SAMMSON: variants seen among roughly 807,000 people sequenced by gnomAD.
SAMMSON encodes long intergenic non-protein coding RNA 1212.
chr3:70,290,096 C>A (rs1344891616), intron 6 of SAMMSON, among the ~76,000 whole-genome samples: 3 of 152,226 alleles, frequency 2.0e-5, no homozygotes, highest in Admixed American at 2.0e-4. Context: ...TGTTCCGTTG[C>A]TGGTGAGGAG....
At chr3:70,251,062 G>A (rs1228104966) in intron 6 of SAMMSON, among the ~76,000 whole-genome samples, 1 of 152,164 alleles carries the variant, frequency 6.6e-6, no homozygotes, top group Admixed American at 6.5e-5. Flanking sequence ...GTACACGGTT[G>A]AATCGTATTC....
At chr3:70,000,444 A>G (rs1311024204) in intron 1 of SAMMSON, among the ~76,000 whole-genome samples, 2 of 152,248 alleles carry the variant, frequency 1.3e-5, no homozygotes, top group African/African-American at 4.8e-5. Flanking sequence ...TATTGACAAT[A>G]TTCCTCTTTC....
chr3:70,422,343 T>G (rs1559586438), intron 2 of SAMMSON, among the ~76,000 whole-genome samples: 1 of 152,078 alleles, frequency 6.6e-6, no homozygotes, highest in African/African-American at 2.4e-5. Flanking sequence ...AAGAAGAGTG[T>G]TATGTTTATT....
At chr3:70,044,911 G>A (rs1465770034) in intron 3 of SAMMSON, among the ~76,000 whole-genome samples, 1 of 141,892 alleles carries the variant, frequency 7.0e-6, no homozygotes, top group Non-Finnish European at 1.5e-5. Context: ...ATTACATAAA[G>A]TAAAATACTT....
At chr3:70,349,053 G>A (rs1702773075) in intron 7 of SAMMSON, among the ~76,000 whole-genome samples, 1 of 152,064 alleles carries the variant, frequency 6.6e-6, no homozygotes, top group African/African-American at 2.4e-5. Context: ...TTCTTCACAG[G>A]TCATGCACAC....
intron 9 of SAMMSON, among the ~76,000 whole-genome samples, chr3:70,377,360 A>G (rs1559576195): frequency 6.6e-6 from 1 of 152,146 alleles, no homozygotes; most frequent in Non-Finnish European, 1.5e-5. Flanking sequence ...GAAAATTAAG[A>G]TGTAATGAAG....
chr3:70,227,768 C>T (rs1701522019), intron 4 of SAMMSON, among the ~76,000 whole-genome samples: 1 of 152,078 alleles, frequency 6.6e-6, no homozygotes, highest in African/African-American at 2.4e-5. Context: ...GCACTACTAC[C>T]CTCCATGTTT....
chr3:70,103,302 T>C (rs1388120254), intron 4 of SAMMSON, among the ~76,000 whole-genome samples: 1 of 152,138 alleles, frequency 6.6e-6, no homozygotes, highest in Non-Finnish European at 1.5e-5. Context: ...GCAATCAGTA[T>C]TTCCATGTGA....
intron 7 of SAMMSON, among the ~76,000 whole-genome samples, chr3:70,343,522 T>G (rs547807420): frequency 6.6e-6 from 1 of 152,146 alleles, no homozygotes; most frequent in Non-Finnish European, 1.5e-5. Flanking sequence ...ATTGGAGTTA[T>G]GAGTTTTGGG....
At chr3:70,211,835 T>A (rs1244829553) in intron 4 of SAMMSON, among the ~76,000 whole-genome samples, 1 of 149,314 alleles carries the variant, frequency 6.7e-6, no homozygotes, top group Non-Finnish European at 1.5e-5. Flanking sequence ...TTTTTCCTTT[T>A]TCCTTTTCCT....
intron 3 of SAMMSON, among the ~76,000 whole-genome samples, chr3:70,028,350 G>C (rs190947064): frequency 3.6e-4 from 55 of 152,202 alleles, no homozygotes; most frequent in Admixed American, 3.6e-3. Flanking sequence ...GTGCTTCTTT[G>C]AATATGTTGT....
chr3:70,138,505 C>T (rs2067515110), intron 4 of SAMMSON, among the ~76,000 whole-genome samples: 1 of 152,178 alleles, frequency 6.6e-6, no homozygotes. Context: ...GTCCTAATCA[C>T]TTAGCAAAGG....
chr3:70,170,801 A>AT, intron 4 of SAMMSON, among the ~76,000 whole-genome samples: 1 of 152,016 alleles, frequency 6.6e-6, no homozygotes, highest in African/African-American at 2.4e-5. Flanking sequence ...AATAAGAAAA[A>AT]TTAGCGAGTG....
intron 4 of SAMMSON, chr3:70,120,497 C>G (rs1377168266): frequency 6.6e-6 from 1 of 152,082 alleles, no homozygotes; most frequent in Non-Finnish European, 1.5e-5. Context: ...CCATGATGGC[C>G]CGCCATGATG....
At chr3:70,054,717 C>T (rs1047277112) in intron 3 of SAMMSON, among the ~76,000 whole-genome samples, 2 of 152,062 alleles carry the variant, frequency 1.3e-5, no homozygotes, top group African/African-American at 4.8e-5. Flanking sequence ...GCAATGTTGA[C>T]TGGTGGAGCG....
chr3:70,330,806 C>T (rs892945547), intron 7 of SAMMSON, among the ~76,000 whole-genome samples: 22 of 151,568 alleles, frequency 1.5e-4, no homozygotes, highest in African/African-American at 3.4e-4. Context: ...AAAATGAATC[C>T]GAACAAATCA....
At chr3:70,327,635 G>T (rs1056683839) in intron 7 of SAMMSON, among the ~76,000 whole-genome samples, 1 of 152,154 alleles carries the variant, frequency 6.6e-6, no homozygotes, top group East Asian at 1.9e-4. Context: ...GGAAAAGGGA[G>T]AACCACAGCC....
In SAMMSON at chr3:70,399,936, G is replaced by C. The variant is rs568502704; in HGVS notation, n.233+41612G>C. The stretch of plus-strand genomic sequence containing the variant: ...AACAAAAATACTTTTGTGTATATCA[G>C]TTTTTCTCATTAATGTACTGCATGC... On this transcript the variant is annotated intron_variant and non_coding_transcript_variant, in intron 2 of 3. Transcript: ENST00000641053. 3.3e-5 allele frequency among the ~76,000 whole-genome samples: 5 copies of C among 151,808 alleles called. No individual in the cohort carries two copies. In the East Asian group the frequency reaches 9.7e-4, roughly 29 times the overall value.
intron 4 of SAMMSON, among the ~76,000 whole-genome samples, chr3:70,164,159 C>T (rs1172427175): frequency 1.3e-5 from 2 of 151,956 alleles, no homozygotes; most frequent in Non-Finnish European, 2.9e-5. Flanking sequence ...GAGGGGGAAA[C>T]AAGTAGAAAG....
Sources: allele counts gnomAD v4.1 joint callset (sites outside exome capture counted in the v4.1 genomes callset), GRCh38; gene constraint gnomAD v4.1.1; transcripts MANE v1.5; gene names NCBI Gene and HGNC (gene_info 2026-07-23, HGNC 2026-07-21).